PTPRD: variants seen among roughly 807,000 people sequenced by gnomAD.
PTPRD encodes protein tyrosine phosphatase receptor type D.
In PTPRD, 34 loss-of-function variants were observed where a neutral mutation model predicts 214.5. The ratio of observed to expected loss-of-function variants is 0.16; its 90% CI spans 0.12 to 0.21. The LOEUF (loss-of-function observed/expected upper bound fraction) is 0.21. Ranked by LOEUF, PTPRD falls within the 10% of genes least tolerant of loss-of-function variation. The pLI is 1.00. For missense variants in PTPRD, 2,545 were observed against 2,398.7 expected, an observed-to-expected ratio of 1.06 and a Z score of -1.27; for synonymous variants, 1,128 against 845.7, an observed-to-expected ratio of 1.33 and a Z score of -5.79.
intron 7 of PTPRD, among the ~76,000 whole-genome samples, chr9:9,613,053 C>T (rs1593031511): frequency 7.2e-6 from 1 of 139,570 alleles, no homozygotes; most frequent in East Asian, 2.1e-4. Context: ...TAAGCTTCGC[C>T]TTCTGAACAA....
chr9:8,456,644 A>G (rs984161001), intron 33 of PTPRD, among the ~76,000 whole-genome samples: 2 of 152,168 alleles, frequency 1.3e-5, no homozygotes, highest in African/African-American at 4.8e-5. Flanking sequence ...AGAGAAGACT[A>G]AAGACACAAA....
intron 7 of PTPRD, among the ~76,000 whole-genome samples, chr9:9,676,949 C>T (rs1326989915): frequency 6.6e-6 from 1 of 152,058 alleles, no homozygotes; most frequent in Non-Finnish European, 1.5e-5. Flanking sequence ...TGTTCATATC[C>T]TTCGCCCACT....
In PTPRD at chr9:9,775,316, G is replaced by C. The variant is rs575912826; in HGVS notation, c.-367-8465C>G. 7.2e-5 allele frequency among the ~76,000 whole-genome samples: 11 copies of C among 152,240 alleles called. No homozygotes were observed. The South Asian group carries it at 1.0e-3, about 14-fold the overall frequency. ...ATATTTCTCTGAAGCTGAAGGGCTG[G>C]TTCCTTGTGAATTTTAATCTACGGG... On this transcript the variant is annotated intron_variant, in intron 5 of 45. Transcript: ENST00000381196.
At position 10,463,639 on chromosome 9, in the gene PTPRD, T is replaced by C. The variant is rs1164492572; in HGVS notation, c.-599-122622A>G. ...AAGAGGGTTTTTTTTTCTATGTCTA[T>C]AAGAGAACAAAAGCAAACTCTTTCA... On this transcript the variant is annotated intron_variant, in intron 2 of 45. Coordinates refer to ENST00000381196, the MANE Select transcript of PTPRD (RefSeq NM_002839.4). Among the ~76,000 whole-genome samples the C allele has an allele frequency of 7.9e-5, 12 of 152,214 alleles. No individual in the cohort carries two copies. The East Asian group carries it at 2.3e-3, about 29-fold the overall frequency.
chr9:9,962,069 C>T (rs1368493515), intron 4 of PTPRD, among the ~76,000 whole-genome samples: 1 of 152,050 alleles, frequency 6.6e-6, no homozygotes, highest in Admixed American at 6.6e-5. Flanking sequence ...AATTTTAGTT[C>T]ACCTAAGTTG....
chr9:9,088,370 C>G (rs1035895865), intron 10 of PTPRD, among the ~76,000 whole-genome samples: 65 of 151,376 alleles, frequency 4.3e-4, no homozygotes, highest in African/African-American at 1.5e-3. Context: ...GCTGGATCAC[C>G]TGAGGTTGAG....
intron 11 of PTPRD, among the ~76,000 whole-genome samples, chr9:8,819,220 A>T (rs2096988745): frequency 6.6e-6 from 1 of 152,234 alleles, no homozygotes; most frequent in Non-Finnish European, 1.5e-5. Context: ...TACTATTATC[A>T]AAGTTTGTGA....
At chr9:10,060,233 A>G (rs1221591025) in intron 3 of PTPRD, among the ~76,000 whole-genome samples, 2 of 152,066 alleles carry the variant, frequency 1.3e-5, no homozygotes, top group Non-Finnish European at 2.9e-5. Flanking sequence ...TATGCGTTAT[A>G]ACGTTAAATT....
intron 11 of PTPRD, among the ~76,000 whole-genome samples, chr9:8,791,612 G>T (rs992361564): frequency 7.7e-5 from 11 of 142,602 alleles, no homozygotes; most frequent in Non-Finnish European, 1.6e-4. Flanking sequence ...ACTGCAACCT[G>T]TGTCTCCCAG....
chr9:9,944,074 TAC>T (rs937466950), intron 4 of PTPRD, among the ~76,000 whole-genome samples: 2 of 152,160 alleles, frequency 1.3e-5, no homozygotes, highest in Non-Finnish European at 2.9e-5. Flanking sequence ...GACTGGTAAA[TAC>T]AGAGGAGAAA....
intron 3 of PTPRD, among the ~76,000 whole-genome samples, chr9:10,232,719 A>G (rs952735319): frequency 6.6e-6 from 1 of 151,968 alleles, no homozygotes; most frequent in African/African-American, 2.4e-5. Context: ...TTCAATTTTC[A>G]TCACTCTCAG....
At chr9:9,040,416 G>T (rs148487248) in intron 10 of PTPRD, among the ~76,000 whole-genome samples, 1 of 152,146 alleles carries the variant, frequency 6.6e-6, no homozygotes, top group Admixed American at 6.6e-5. Flanking sequence ...AATTAAGTTA[G>T]AAAATCCTAG....
chr9:8,389,186 CT>C, intron 37 of PTPRD, 45 bp downstream of exon 37: 1 of 1,534,766 alleles, frequency 6.5e-7, no homozygotes. Context: ...CATAGGGACT[CT>C]GAGGGAAAAT....
chr9:9,660,135 A>G (rs943459682), intron 7 of PTPRD, among the ~76,000 whole-genome samples: 6 of 152,008 alleles, frequency 3.9e-5, no homozygotes, highest in African/African-American at 1.4e-4. Context: ...GTATTTTTGC[A>G]CTTCAAAAAT....
chr9:9,649,763 T>A (rs2096286403), intron 7 of PTPRD, among the ~76,000 whole-genome samples: 1 of 152,216 alleles, frequency 6.6e-6, no homozygotes, highest in African/African-American at 2.4e-5. Flanking sequence ...TACCTGATTA[T>A]TCTCTCAGTG....
intron 7 of PTPRD, among the ~76,000 whole-genome samples, chr9:9,577,840 G>A (rs1024661933): frequency 6.6e-6 from 1 of 151,924 alleles, no homozygotes; most frequent in Non-Finnish European, 1.5e-5. Flanking sequence ...GAGGTTGGGA[G>A]TTCAAGACCA....
intron 5 of PTPRD, among the ~76,000 whole-genome samples, chr9:9,835,904 G>C (rs1026282702): frequency 2.0e-5 from 3 of 152,016 alleles, no homozygotes; most frequent in African/African-American, 7.2e-5. Flanking sequence ...GAAAATGCTG[G>C]TGCCAGTTTT....
intron 3 of PTPRD, among the ~76,000 whole-genome samples, chr9:10,045,922 A>G (rs1048967924): frequency 3.3e-5 from 5 of 151,868 alleles, no homozygotes; most frequent in African/African-American, 1.2e-4. Flanking sequence ...ATTTTCTATA[A>G]TATTGGGGAA....
intron 4 of PTPRD, among the ~76,000 whole-genome samples, chr9:9,955,561 T>C (rs2093843327): frequency 1.3e-5 from 2 of 151,360 alleles, no homozygotes; most frequent in South Asian, 2.1e-4. Context: ...TCTCGCTCTG[T>C]CGCCCAGGCT....
Sources: gnomAD v4.1 joint callset for allele counts (sites outside exome capture counted in the v4.1 genomes callset) on GRCh38, gnomAD v4.1.1 for gene constraint, MANE v1.5 for transcripts, NCBI Gene and HGNC (gene_info 2026-07-23, HGNC 2026-07-21) for gene names.